The following PAK3 variants were observed in gnomAD, a reference collection of about 807,000 sequenced individuals.
The protein encoded by PAK3 is serine/threonine-protein kinase PAK 3.
A neutral mutation model predicts 41.0 loss-of-function variants in PAK3; 4 were observed. That is an observed-to-expected ratio of 0.10 (90% CI 0.05 to 0.22). The LOEUF is 0.22. Among genes scored for constraint, PAK3 ranks in the 10% least tolerant of loss-of-function variants. PAK3 has a pLI of 1.00. For synonymous variants in PAK3, 146 were observed against 139.6 expected (o/e 1.05, Z -0.32); for missense variants, 205 against 409.9 (o/e 0.50, Z 4.32).
chrX:111,212,846 G>T (rs1327144339), intron 16 of PAK3, among the ~76,000 whole-genome samples: 6 of 111,451 alleles, frequency 5.4e-5, no homozygotes. Context: ...AGAAATTAAA[G>T]AATACATTTC....
chrX:111,211,652 G>T (rs1289566595), intron 16 of PAK3, among the ~76,000 whole-genome samples: 1 of 99,114 alleles, frequency 1.0e-5, no homozygotes, highest in Non-Finnish European at 2.0e-5. Flanking sequence ...CTCCAGTCTG[G>T]CAACAGAGCA....
chrX:110,956,354 C>T (rs2090857383), intron 1 of PAK3, among the ~76,000 whole-genome samples: 1 of 111,775 alleles, frequency 8.9e-6, no homozygotes, highest in Non-Finnish European at 1.9e-5. Flanking sequence ...TTGCTATTAT[C>T]ATTCGGTTGC....
chrX:111,151,455 GGACT>G (rs1355322958), intron 7 of PAK3, among the ~76,000 whole-genome samples: 3 of 111,542 alleles, frequency 2.7e-5, no homozygotes, highest in African/African-American at 9.8e-5. Flanking sequence ...TCTGGTATTG[GGACT>G]GACTAACTGA....
intron 11 of PAK3, among the ~76,000 whole-genome samples, chrX:111,187,109 G>A (rs1350798969): frequency 9.0e-6 from 1 of 111,675 alleles, no homozygotes; most frequent in Non-Finnish European, 1.9e-5. Context: ...ACTTTATTAA[G>A]CAAAAAATAC....
At chrX:110,989,013 A>T (rs1342420646) in intron 1 of PAK3, among the ~76,000 whole-genome samples, 1 of 112,456 alleles carries the variant, frequency 8.9e-6, no homozygotes, top group Non-Finnish European at 1.9e-5. Context: ...GTAAAATCAA[A>T]TAATTAGCTT....
At chrX:111,006,243 G>C (rs937944098) in intron 1 of PAK3, among the ~76,000 whole-genome samples, 4 of 111,853 alleles carry the variant, frequency 3.6e-5, no homozygotes, top group African/African-American at 1.3e-4. Context: ...ATTTGAATAT[G>C]GACTATATAT....
intron 1 of PAK3, among the ~76,000 whole-genome samples, chrX:111,020,649 C>T (rs2092163966): frequency 2.7e-5 from 3 of 111,658 alleles, no homozygotes; most frequent in Non-Finnish European, 5.6e-5. Context: ...CCGAGAGAAT[C>T]CACAGACCCT....
At chrX:111,163,322 G>T (rs955682739) in intron 9 of PAK3, among the ~76,000 whole-genome samples, 3 of 111,384 alleles carry the variant, frequency 2.7e-5, no homozygotes, top group African/African-American at 9.8e-5. Context: ...ATGTAAACCA[G>T]GTAGGAAGAG....
At chrX:111,217,567 C>T (rs1204088779) in intron 17 of PAK3, 9 of 961,085 alleles carry the variant, frequency 9.4e-6, no homozygotes, top group Middle Eastern at 3.0e-4. Flanking sequence ...GAGCTGCACC[C>T]AGGCAAAAAC....
intron 1 of PAK3, among the ~76,000 whole-genome samples, chrX:110,958,386 C>G (rs1425549596): frequency 9.0e-6 from 1 of 111,372 alleles, no homozygotes; most frequent in African/African-American, 3.3e-5. Context: ...TAAAATGGAA[C>G]TTAAGAGTGG....
At chrX:110,981,542 AGTGTG>A (rs2091447399) in intron 1 of PAK3, among the ~76,000 whole-genome samples, 1 of 102,970 alleles carries the variant, frequency 9.7e-6, no homozygotes, top group African/African-American at 3.5e-5. Context: ...GAGAAAAAAT[AGTGTG>A]TGTGTGTGTG....
chrX:110,979,887 A>T (rs1253239326), intron 1 of PAK3, among the ~76,000 whole-genome samples: 1 of 112,158 alleles, frequency 8.9e-6, no homozygotes, highest in Non-Finnish European at 1.9e-5. Flanking sequence ...TTAAAGTGTC[A>T]GCTGGGTTGG....
chrX:111,181,168 A>G (rs901825251), intron 11 of PAK3, among the ~76,000 whole-genome samples: 9 of 112,274 alleles, frequency 8.0e-5, no homozygotes, highest in African/African-American at 2.6e-4. Context: ...GTGGCAAAAC[A>G]AAAGGCTATC....
intron 1 of PAK3, among the ~76,000 whole-genome samples, chrX:110,983,480 C>CAGAGAGAGAGAG (rs768492408): frequency 0.036 from 3,597 of 99,480 alleles, 143 homozygotes; most frequent in African/African-American, 0.11. Context: ...AAGAGAAAGA[C>CAGAGAGAGAGAG]AGAGAGAGAG....
intron 1 of PAK3, among the ~76,000 whole-genome samples, chrX:111,048,716 G>T (rs1382104495): frequency 8.9e-6 from 1 of 111,950 alleles, no homozygotes; most frequent in Non-Finnish European, 1.9e-5. Context: ...CATCCATGTT[G>T]TCTATCTCCA....
intron 5 of PAK3, among the ~76,000 whole-genome samples, chrX:111,132,540 G>A (rs2093733824): frequency 9.0e-6 from 1 of 110,795 alleles, no homozygotes; most frequent in South Asian, 3.9e-4. Flanking sequence ...GGAGGGCCTC[G>A]ACCCCAGCAA....
chrX:111,022,260 C>A (rs1215314150), intron 1 of PAK3, among the ~76,000 whole-genome samples: 1 of 111,924 alleles, frequency 8.9e-6, no homozygotes, highest in African/African-American at 3.2e-5. Context: ...AGAAAAGAAT[C>A]TTCAGAGCTG....
intron 3 of PAK3, among the ~76,000 whole-genome samples, chrX:111,100,919 G>C: frequency 8.9e-6 from 1 of 111,747 alleles, no homozygotes. Context: ...GGCGGTATAG[G>C]CATACAACAT....
chrX:111,191,464 A>T (rs73543200), intron 11 of PAK3, among the ~76,000 whole-genome samples: 14,984 of 111,332 alleles, frequency 0.13, 2,427 homozygotes, highest in African/African-American at 0.45. Context: ...GTTGTTGAGA[A>T]ATTTAGTAAA....
Sources: gnomAD v4.1 joint callset for allele counts (sites outside exome capture counted in the v4.1 genomes callset) on GRCh38, gnomAD v4.1.1 for gene constraint, MANE v1.5 for transcripts, NCBI Gene and HGNC (gene_info 2026-07-23, HGNC 2026-07-21) for gene names.